ITGAE: variants seen among roughly 807,000 people sequenced by gnomAD.
ITGAE encodes integrin alpha-E.
Under a neutral mutation model 136.5 loss-of-function variants are expected in ITGAE, and 99 were observed. That is an observed-to-expected ratio of 0.73 (90% confidence interval 0.62 to 0.86). The LOEUF (loss-of-function observed/expected upper bound fraction) is 0.86. Among genes scored for constraint, ITGAE ranks in the 40% least tolerant of loss-of-function variants. The probability of loss-of-function intolerance (pLI) is 0.00; values close to 1 mark genes in which losing one functional copy is unlikely to be tolerated. For missense variants in ITGAE, 1,447 were observed against 1,515.3 expected (o/e 0.95, Z 0.75); for synonymous variants, 613 against 591.8 (o/e 1.04, Z -0.52).
chr17:3,775,816 C>T (rs1182644528), intron 2 of ITGAE, among the ~76,000 whole-genome samples: 1 of 151,908 alleles, frequency 6.6e-6, no homozygotes, highest in Non-Finnish European at 1.5e-5. Flanking sequence ...GAGCTGGGAT[C>T]GGGGAGTGGA....
rs779480460 is a variant in ITGAE at position 3,761,912 on chromosome 17, C to T, written c.315+3G>A. 13 of 1,613,554 alleles carry T rather than the reference C, an allele frequency of 8.1e-6. No homozygotes were observed. In the East Asian group the frequency reaches 2.7e-4, roughly 33 times the overall value. ...CCCTCCCTCCTCTCGCTCCTGCACT[C>T]ACCAAAACACCGTGGTGGCTCCGGA... On this transcript the variant is annotated splice_donor_region_variant and intron_variant, in intron 4 of 30. Transcript: ENST00000263087.
At chr17:3,781,824 C>T (rs1391879668) in intron 1 of ITGAE, among the ~76,000 whole-genome samples, 1 of 152,080 alleles carries the variant, frequency 6.6e-6, no homozygotes, top group Non-Finnish European at 1.5e-5. Context: ...CTTTATCATC[C>T]TCAGAATTCA....
intron 30 of ITGAE, among the ~76,000 whole-genome samples, chr17:3,715,380 G>A (rs1387620833): frequency 1.3e-5 from 2 of 152,188 alleles, no homozygotes; most frequent in Admixed American, 6.5e-5. Context: ...ATTTGGAAGG[G>A]TTTCTAGAAG....
At chr17:3,739,921 T>C in intron 19 of ITGAE, 43 bp from the exon 20 acceptor site, 4 of 1,521,694 alleles carry the variant, frequency 2.6e-6, no homozygotes, top group Non-Finnish European at 3.6e-6. Context: ...GGCTCCGCCT[T>C]CCCCAGCAGC....
chr17:3,731,345 T>C, intron 22 of ITGAE, among the ~76,000 whole-genome samples, 162 bp from the exon 23 acceptor site: 1 of 23,432 alleles, frequency 4.3e-5, no homozygotes, highest in African/African-American at 8.7e-5. Context: ...CTTTTTTTTT[T>C]TTTTTTTTTT....
intron 1 of ITGAE, among the ~76,000 whole-genome samples, chr17:3,778,169 G>A (rs2052587551): frequency 6.6e-6 from 1 of 152,064 alleles, no homozygotes; most frequent in Non-Finnish European, 1.5e-5. Flanking sequence ...CCATCAACAG[G>A]AGACTGGAAA....
chr17:3,759,917 A>T (rs1327325716), intron 7 of ITGAE, among the ~76,000 whole-genome samples: 1 of 152,150 alleles, frequency 6.6e-6, no homozygotes, highest in Non-Finnish European at 1.5e-5. Context: ...GCCACGAAAA[A>T]GTTGGGCTGG....
chr17:3,797,424 T>G (rs375712494), intron 1 of ITGAE, among the ~76,000 whole-genome samples: 3 of 149,150 alleles, frequency 2.0e-5, no homozygotes, highest in African/African-American at 7.4e-5. Context: ...CTTGGCCTCC[T>G]AAAGTGCTGG....
chr17:3,726,460 CAAG>C (rs1193942992), intron 26 of ITGAE: 1 of 660,530 alleles, frequency 1.5e-6, no homozygotes, highest in East Asian at 2.6e-5. Flanking sequence ...GCTTTTCAAA[CAAG>C]AATTTTGTTT....
chr17:3,800,389 G>T (rs2053224410), intron 1 of ITGAE, among the ~76,000 whole-genome samples: 1 of 152,192 alleles, frequency 6.6e-6, no homozygotes, highest in Non-Finnish European at 1.5e-5. Context: ...AGTCTGCTCA[G>T]ATCACTAGGC....
chr17:3,748,592 C>T (rs2051780740), intron 16 of ITGAE, among the ~76,000 whole-genome samples: 1 of 152,048 alleles, frequency 6.6e-6, no homozygotes, highest in South Asian at 2.1e-4. Flanking sequence ...ATCTCAACAA[C>T]AACAACAAAA....
In ITGAE at chr17:3,716,752, A is replaced by G; in HGVS notation, c.3380T>C (p.Ile1127Thr). 6.2e-7 allele frequency: 1 copy of G among 1,611,276 alleles called. No individual in the cohort carries two copies. Among genetic ancestry groups the G allele is most frequent in the South Asian group, 1.1e-5 (1 of 91,008 alleles). The change falls in exon 30 of 31, where the codon ATC (isoleucine) becomes ACC (threonine). Residue 1127 changes from isoleucine (I) to threonine (T), a missense_variant. Ile to Thr is a moderately conservative substitution (Grantham distance 89). This residue lies in a region of ITGAE where 1,031 missense variants were observed against 1,011.4 expected (regional missense o/e 1.02). Coordinates refer to ENST00000263087, the MANE Select transcript of ITGAE (RefSeq NM_002208.5). ...TCCACCAACGCTGCCTTTAATGATG[A>G]TAGGCAAAGAATGGTACTTCTCATC... ...LKDEKYHSLP[I>T]IIKGSVGGLL...
chr17:3,750,045 C>T lies in ITGAE; in HGVS notation c.2024+307G>A, dbSNP rs531531780. Reference sequence around the variant, plus strand: ...AAAAAACAAAAAACAAAAAACTCTGCAATCACAGCCATCGCTGAGCACTGT... The same window carrying T: ...AAAAAACAAAAAACAAAAAACTCTGTAATCACAGCCATCGCTGAGCACTGT... On this transcript the variant is annotated intron_variant, in intron 16 of 30. Coordinates refer to ENST00000263087, the MANE Select transcript of ITGAE (RefSeq NM_002208.5). 5.7e-3 allele frequency among the ~76,000 whole-genome samples: 871 copies of T among 152,248 alleles called. 10 individuals are homozygous for T. The highest frequency in any genetic ancestry group is 0.018 in the African/African-American group (753 of 41,546).
Position 3,743,524 on chromosome 17 carries a change from G to A in ITGAE, c.2413C>T (p.Leu805=), listed in dbSNP as rs1015855229. 6.2e-7 allele frequency: 1 copy of A among 1,610,644 alleles called. No individual in the cohort carries two copies. Among genetic ancestry groups the A allele is most frequent in the Non-Finnish European group, 8.5e-7 (1 of 1,179,026 alleles). The change falls in exon 19 of 31, where the codon CTG becomes TTG. Residue 805 remains leucine, a synonymous_variant. Coordinates refer to ENST00000263087, the MANE Select transcript of ITGAE (RefSeq NM_002208.5). ...EGQTDHPQPI[L]DRYTEPFAIF... ...GCAAAGGGCTCAGTGTAGCGGTCCA[G>A]GATGGGCTGGGGATGGTCCGTCTGT...
intron 19 of ITGAE, among the ~76,000 whole-genome samples, chr17:3,741,051 A>T (rs2051573070): frequency 6.8e-6 from 1 of 147,180 alleles, no homozygotes; most frequent in Non-Finnish European, 1.5e-5. Flanking sequence ...CAACAGTTTC[A>T]TGCAGGGTTT....
intron 19 of ITGAE, among the ~76,000 whole-genome samples, chr17:3,740,773 G>T (rs1264275000): frequency 6.6e-6 from 1 of 152,212 alleles, no homozygotes; most frequent in Non-Finnish European, 1.5e-5. Context: ...AGGTTGAAAA[G>T]CTCCAGTTCG....
chr17:3,739,884 A>G lies in ITGAE; in HGVS notation c.2449-6T>C. The G allele has an allele frequency of 6.2e-7, 1 of 1,613,468 alleles. No individual in the cohort carries two copies. Among genetic ancestry groups the G allele is most frequent in the East Asian group, 2.2e-5 (1 of 44,884 alleles). Reference sequence around the variant, plus strand: ...CAGGCCTTCTCATAGGGCAGCTGTAACCAGACAGAGAGTCCCGATCAGCCC... The same window carrying G: ...CAGGCCTTCTCATAGGGCAGCTGTAGCCAGACAGAGAGTCCCGATCAGCCC... On this transcript the variant is annotated splice_polypyrimidine_tract_variant and splice_region_variant and intron_variant, in intron 19 of 30. Transcript: ENST00000263087.
intron 2 of ITGAE, among the ~76,000 whole-genome samples, chr17:3,773,708 C>T (rs1438373704): frequency 6.6e-6 from 1 of 152,022 alleles, no homozygotes; most frequent in East Asian, 1.9e-4. Context: ...GAATCACTGG[C>T]CGCTGGTGAT....
At chr17:3,736,785 G>C (rs1293311834) in intron 20 of ITGAE, among the ~76,000 whole-genome samples, 1 of 152,098 alleles carries the variant, frequency 6.6e-6, no homozygotes, top group African/African-American at 2.4e-5. Flanking sequence ...TGCAGATCTA[G>C]GAAGTATGGC....
Sources: gnomAD v4.1 joint callset for allele counts (sites outside exome capture counted in the v4.1 genomes callset) on GRCh38, gnomAD v4.1.1 for gene constraint, gnomAD v4.1.1 regional missense constraint, MANE v1.5 for transcripts, NCBI Gene and HGNC (gene_info 2026-07-23, HGNC 2026-07-21) for gene names.